The following C1GALT1 variants were observed in gnomAD, a reference collection of about 807,000 sequenced individuals.
C1GALT1 encodes the protein core 1 synthase, glycoprotein-N-acetylgalactosamine 3-beta-galactosyltransferase 1, also known as glycoprotein-N-acetylgalactosamine 3-beta-galactosyltransferase 1.
C1GALT1 carries 11 observed loss-of-function variants against 31.0 expected under a neutral mutation model. The ratio of observed to expected loss-of-function variants is 0.36; its 90% CI spans 0.22 to 0.59. C1GALT1 has a LOEUF of 0.59. Ranked by LOEUF, C1GALT1 falls within the 20% of genes least tolerant of loss-of-function variation. The pLI is 0.79. For missense variants in C1GALT1, 424 were observed against 425.2 expected (o/e 1.00, Z 0.03); for synonymous variants, 175 against 143.6 (o/e 1.22, Z -1.56).
At chr7:7,228,589 A>G (rs1006057614) in intron 1 of C1GALT1, among the ~76,000 whole-genome samples, 1 of 151,578 alleles carries the variant, frequency 6.6e-6, no homozygotes, top group Non-Finnish European at 1.5e-5. Flanking sequence ...TGAGATGGCT[A>G]TTTTATCCCA....
intron 1 of C1GALT1, among the ~76,000 whole-genome samples, chr7:7,191,246 C>A (rs950571515): frequency 1.3e-5 from 2 of 152,040 alleles, no homozygotes; most frequent in Non-Finnish European, 2.9e-5. Flanking sequence ...ATTATTTGTC[C>A]TTTTGTGATT....
intron 1 of C1GALT1, among the ~76,000 whole-genome samples, chr7:7,198,799 T>G (rs1324947279): frequency 6.6e-6 from 1 of 152,258 alleles, no homozygotes; most frequent in Non-Finnish European, 1.5e-5. Flanking sequence ...CCATTTCTTC[T>G]AGATTTTCTA....
chr7:7,233,055 T>G (rs553101227), intron 1 of C1GALT1, among the ~76,000 whole-genome samples: 3 of 152,192 alleles, frequency 2.0e-5, no homozygotes, highest in Admixed American at 2.0e-4. Context: ...AAACTAGAGT[T>G]AAGACCAATC....
At chr7:7,228,808 CAAG>C (rs1782927094) in intron 1 of C1GALT1, among the ~76,000 whole-genome samples, 1 of 152,138 alleles carries the variant, frequency 6.6e-6, no homozygotes, top group Admixed American at 6.5e-5. Context: ...TACGTAACAC[CAAG>C]AAGTCAGTTT....
chr7:7,212,887 G>A (rs775154013), intron 1 of C1GALT1, among the ~76,000 whole-genome samples: 6 of 152,270 alleles, frequency 3.9e-5, no homozygotes, highest in Non-Finnish European at 8.8e-5. Flanking sequence ...TGTCACGATG[G>A]CTTGACCATG....
rs556819025 is a variant in C1GALT1 at position 7,212,063 on chromosome 7, A to G, written c.-17-22240A>G. 2.2e-4 allele frequency among the ~76,000 whole-genome samples: 33 copies of G among 152,328 alleles called. No homozygotes were observed. In the South Asian group the frequency reaches 6.0e-3, roughly 28 times the overall value. On this transcript the variant is annotated intron_variant, in intron 1 of 3. Transcript: ENST00000436587. ...TTAGCAAGAATGGTTATTTCTACAT[A>G]GGTCTTTTGGATGGCTTTGATAAAA...
intron 2 of C1GALT1, among the ~76,000 whole-genome samples, chr7:7,177,452 G>A (rs1474224740): frequency 1.3e-5 from 2 of 152,132 alleles, no homozygotes; most frequent in African/African-American, 2.4e-5. Flanking sequence ...TTATATATAT[G>A]TTTGTTATTA....
chr7:7,186,391 G>C (rs1280711650), intron 1 of C1GALT1, among the ~76,000 whole-genome samples: 1 of 152,200 alleles, frequency 6.6e-6, no homozygotes, highest in South Asian at 2.1e-4. Context: ...TCCTCATGGA[G>C]CTTACATTCT....
At chr7:7,219,862 TTG>T (rs1782428178) in intron 1 of C1GALT1, among the ~76,000 whole-genome samples, 1 of 152,174 alleles carries the variant, frequency 6.6e-6, no homozygotes, top group East Asian at 1.9e-4. Flanking sequence ...TATAAAATAT[TTG>T]TGTTCACTTA....
At chr7:7,161,612 G>C (rs972106545) in intron 2 of C1GALT1, among the ~76,000 whole-genome samples, 6 of 151,996 alleles carry the variant, frequency 3.9e-5, no homozygotes, top group Non-Finnish European at 8.8e-5. Flanking sequence ...CACTAGAAAA[G>C]ACAGGCATCA....
chr7:7,234,218 TATAGCTAA>T, intron 1 of C1GALT1, 77 bp from the exon 2 acceptor site: 3 of 963,204 alleles, frequency 3.1e-6, no homozygotes, highest in Non-Finnish European at 4.7e-6. Context: ...AACTTTCCGT[TATAGCTAA>T]ATGTTACCAG....
chr7:7,240,080 A>G (rs1257150174), intron 3 of C1GALT1, among the ~76,000 whole-genome samples: 1 of 152,206 alleles, frequency 6.6e-6, no homozygotes, highest in African/African-American at 2.4e-5. Flanking sequence ...TACTACTGTC[A>G]TCTTCATAAG....
intron 1 of C1GALT1, among the ~76,000 whole-genome samples, chr7:7,225,161 T>C (rs1428168643): frequency 6.6e-6 from 1 of 152,170 alleles, no homozygotes; most frequent in African/African-American, 2.4e-5. Context: ...TTTATTGTGC[T>C]CTTTTTGTTG....
At chr7:7,186,789 A>G (rs1454252343) in intron 1 of C1GALT1, among the ~76,000 whole-genome samples, 2 of 152,190 alleles carry the variant, frequency 1.3e-5, no homozygotes, top group Non-Finnish European at 2.9e-5. Context: ...TATTAGGTTC[A>G]ATCTATGAAA....
At chr7:7,230,217 A>G (rs1783003862) in intron 1 of C1GALT1, among the ~76,000 whole-genome samples, 1 of 152,220 alleles carries the variant, frequency 6.6e-6, no homozygotes, top group South Asian at 2.1e-4. Flanking sequence ...GTATGTACTT[A>G]ATGGGATAAA....
intron 1 of C1GALT1, among the ~76,000 whole-genome samples, chr7:7,232,497 GTTTTT>G (rs72339945): frequency 5.9e-5 from 8 of 134,916 alleles, no homozygotes; most frequent in East Asian, 4.3e-4. Flanking sequence ...TTTTTTTTTT[GTTTTT>G]TTTTTTTTGA....
intron 1 of C1GALT1, among the ~76,000 whole-genome samples, chr7:7,208,160 C>T (rs541910128): frequency 3.3e-5 from 5 of 151,990 alleles, no homozygotes; most frequent in Admixed American, 6.5e-5. Flanking sequence ...GGTTGACTCT[C>T]GTGGTATTGC....
chr7:7,203,380 G>C (rs1018166922), intron 1 of C1GALT1, among the ~76,000 whole-genome samples: 1 of 151,902 alleles, frequency 6.6e-6, no homozygotes, highest in African/African-American at 2.4e-5. Context: ...TGGGTTTCTC[G>C]TGAGTGTTTA....
chr7:7,232,493 T>TG (rs1432470517), intron 1 of C1GALT1, among the ~76,000 whole-genome samples: 20 of 118,816 alleles, frequency 1.7e-4, no homozygotes, highest in African/African-American at 4.5e-4. Context: ...GGTTTTTTTT[T>TG]TTTGTTTTTT....
Sources: allele counts gnomAD v4.1 joint callset (sites outside exome capture counted in the v4.1 genomes callset), GRCh38; gene constraint gnomAD v4.1.1; transcripts MANE v1.5; gene names NCBI Gene and HGNC (gene_info 2026-07-23, HGNC 2026-07-21).